Variants in MUC5B observed in about 807,000 individuals in gnomAD.
MUC5B encodes mucin 5B, oligomeric mucus/gel-forming.
Under a neutral mutation model 376.9 loss-of-function variants are expected in MUC5B, and 116 were observed. The observed-to-expected ratio is 0.31, with a 90% CI of 0.26 to 0.36. MUC5B has a LOEUF of 0.36. MUC5B is among the 10% of genes least tolerant of loss of function. The probability of loss-of-function intolerance (pLI) is 1.00; values close to 1 mark genes in which losing one functional copy is unlikely to be tolerated. For synonymous variants in MUC5B, 3,517 were observed against 3,390.9 expected (o/e 1.04, Z -1.29); for missense variants, 7,165 against 7,769.9 (o/e 0.92, Z 2.93).
chr11:1,239,958 A>G lies in MUC5B; in HGVS notation c.3728+15A>G. The G allele has an allele frequency of 6.2e-7, 1 of 1,612,286 alleles. No homozygotes were observed. The highest frequency in any genetic ancestry group is 8.5e-7 in the Non-Finnish European group (1 of 1,179,342). On this transcript the variant is annotated intron_variant, in intron 28 of 48. Coordinates refer to ENST00000529681, the MANE Select transcript of MUC5B (RefSeq NM_002458.3). ...TGCCAGAGCTGGTGAGGGGGTGGGA[A>G]GCGGGTGGCGCTGGGGGAGCAGGGC...
chr11:1,259,830 C>A lies in MUC5B; in HGVS notation c.16788C>A (p.Gly5596=). The A allele has an allele frequency of 6.2e-7, 1 of 1,612,464 alleles. No homozygotes were observed. Among genetic ancestry groups the A allele is most frequent in the Non-Finnish European group, 8.5e-7 (1 of 1,179,682 alleles). The change falls in exon 45 of 49, where the codon GGC becomes GGA. Residue 5596 remains glycine, a synonymous_variant. Transcript: ENST00000529681. ...CVQTACLTPD[G]QPVQLNETWV... Reference sequence around the variant, plus strand: ...AGACCGCCTGCCTCACGCCCGATGGCCAGCCAGTCCAGGTAACAGCAGAGG... The same window carrying A: ...AGACCGCCTGCCTCACGCCCGATGGACAGCCAGTCCAGGTAACAGCAGAGG...
At position 1,235,098 on chromosome 11, in the gene MUC5B, C is replaced by G. The variant is rs770850006; in HGVS notation, c.2644C>G (p.Arg882Gly). ...GGCCCCTTGCAGCACCTGCAGGAAC[C>G]GGAGGTGGGAGTGCAGCCACCGGCT... ...VDCNTCTCRN[R>G]RWECSHRLCL... The change falls in exon 22 of 49, where the codon CGG (arginine) becomes GGG (glycine). Residue 882 changes from arginine (R) to glycine (G), a missense_variant. Transcript: ENST00000529681. The G allele has an allele frequency of 6.2e-7, 1 of 1,611,070 alleles. No individual in the cohort carries two copies. The highest frequency in any genetic ancestry group is 1.1e-5 in the South Asian group (1 of 90,918).
rs1399236147 is a variant in MUC5B, at chr11:1,259,488, C to G, written c.16714-268C>G. ...GAAGTAGGAGGATAACTGAGGGGGT[C>G]TGGGGGTGGGACAGGACCTGCAGGC... On this transcript the variant is annotated intron_variant, in intron 44 of 48. Coordinates refer to ENST00000529681, the MANE Select transcript of MUC5B (RefSeq NM_002458.3). 4 of 563,892 alleles carry G rather than the reference C, an allele frequency of 7.1e-6. No homozygotes were observed. The East Asian group carries it at 1.2e-4, about 17-fold the overall frequency. The allele number at this position is 563,892 out of a possible 1,614,324, so 34.9% of individuals were successfully genotyped here.
rs1358467549 is a variant in MUC5B, at chr11:1,258,041, C to T, written c.16451-58C>T. 4 of 1,473,324 alleles carry T rather than the reference C, an allele frequency of 2.7e-6. No homozygotes were observed. Among genetic ancestry groups the T allele is most frequent in the Admixed American group, 2.0e-5 (1 of 50,226 alleles). 91.3% of individuals were successfully genotyped at this position (1,473,324 alleles called of 1,614,324 possible). A position where few individuals can be genotyped will look rare whatever the true frequency, so the allele number is the denominator to read the frequency against. On this transcript the variant is annotated intron_variant, in intron 41 of 48. Transcript: ENST00000529681. This position sits in a 1 kb window ranked among gnomAD's most constrained non-coding sequence, Gnocchi z 5.5. ...GCACGCCTGCGACTTACTCTGGGAA[C>T]AAGTGGTCGGGAGGAGGAGTGAGCA...
rs767234202 is a variant in MUC5B at position 1,241,715 on chromosome 11, C to T, written c.4835C>T (p.Pro1612Leu). Residue 1612 changes from proline to leucine, a missense_variant, in exon 31 of 49, where the codon CCG (proline) becomes CTG (leucine). Pro to Leu is a moderately conservative substitution (Grantham distance 98). Coordinates refer to ENST00000529681, the MANE Select transcript of MUC5B (RefSeq NM_002458.3). The part of the protein sequence containing the change: ...HCRGRATTPP[P>L]TTELETATTT... ...AGGGGACGTGCCACAACCCCGCCACCGACCACAGAGCTGGAGACGGCCACC... is the reference window on the plus strand; with the variant it reads ...AGGGGACGTGCCACAACCCCGCCACTGACCACAGAGCTGGAGACGGCCACC... The T allele has an allele frequency of 2.5e-5, 41 of 1,612,448 alleles. 1 individual carries two copies. Among genetic ancestry groups the T allele is most frequent in the Admixed American group, 1.0e-4 (6 of 59,942 alleles).
In MUC5B at chr11:1,247,942, G is replaced by T. The variant is rs750374451; in HGVS notation, c.11062G>T (p.Gly3688Trp). 3 of 1,611,242 alleles carry T rather than the reference G, an allele frequency of 1.9e-6. No individual in the cohort carries two copies. The highest frequency in any genetic ancestry group is 2.5e-6 in the Non-Finnish European group (3 of 1,178,328). ...SSTATPSSTP[G>W]TTWILTKLTT... ...TACGGCCACGCCCTCCTCAACTCCG[G>T]GGACGACCTGGATCCTCACAAAGCT... The change falls in exon 31 of 49, where the codon GGG (glycine) becomes TGG (tryptophan). Residue 3688 changes from glycine (G) to tryptophan (W), a missense_variant. This residue lies in a region of MUC5B where 90 missense variants were observed against 71.1 expected (regional missense o/e 1.27). Transcript: ENST00000529681.
At chr11:1,228,267 C>T (rs982093467) in intron 7 of MUC5B, among the ~76,000 whole-genome samples, 4 of 152,322 alleles carry the variant, frequency 2.6e-5, no homozygotes, top group Non-Finnish European at 2.9e-5. Flanking sequence ...CCCAGAGAGG[C>T]GGGGCCTCCA....
In MUC5B at chr11:1,249,090, C is replaced by T; in HGVS notation, c.12210C>T (p.His4070=). ...QHSTPALSSP[H]PSSRTTESPP... ...CGACTCCAGCCCTGTCCAGCCCTCA[C>T]CCTAGCAGCAGGACCACCGAGTCAC... The change falls in exon 31 of 49, where the codon CAC becomes CAT. Residue 4070 remains histidine, a synonymous_variant. Transcript: ENST00000529681. 1 of 1,610,918 alleles carries T rather than the reference C, an allele frequency of 6.2e-7. No homozygotes were observed. The highest frequency in any genetic ancestry group is 8.5e-7 in the Non-Finnish European group (1 of 1,179,468).
In MUC5B at chr11:1,257,698, G is replaced by A. The variant is rs1042692535; in HGVS notation, c.16438G>A (p.Glu5480Lys). ...RPRAENPCCPETVCVCNTTTC... is the reference protein window; with the variant it reads ...RPRAENPCCPKTVCVCNTTTC... The stretch of plus-strand genomic sequence containing the variant: ...CCGGGCCGAGAACCCCTGCTGCCCC[G>A]AGACGGTGTGCGGTAAGACGCTGCA... Residue 5480 changes from glutamate to lysine, a missense_variant, in exon 41 of 49, where the codon GAG (glutamate) becomes AAG (lysine). Glu to Lys is a moderately conservative substitution (Grantham distance 56). Coordinates refer to ENST00000529681, the MANE Select transcript of MUC5B (RefSeq NM_002458.3). This position sits in a 1 kb window ranked among gnomAD's most constrained non-coding sequence, Gnocchi z 8.9. 6.4e-6 allele frequency: 10 copies of A among 1,557,892 alleles called. No individual in the cohort carries two copies. The highest frequency in any genetic ancestry group is 2.4e-5 in the East Asian group (1 of 42,236).
chr11:1,251,254 G>T lies in MUC5B; in HGVS notation c.14374G>T (p.Val4792Leu). ...STPETTHTST[V>L]LTTTATMTRA... Reference sequence around the variant, plus strand: ...TCCAGAGACCACCCACACCTCCACAGTGCTGACCACCACAGCCACCATGAC... The same window carrying T: ...TCCAGAGACCACCCACACCTCCACATTGCTGACCACCACAGCCACCATGAC... The change falls in exon 31 of 49, where the codon GTG becomes TTG. Residue 4792 changes from valine to leucine, a missense_variant. Coordinates refer to ENST00000529681, the MANE Select transcript of MUC5B (RefSeq NM_002458.3). 2.5e-6 allele frequency: 4 copies of T among 1,611,096 alleles called. No individual in the cohort carries two copies. The highest frequency in any genetic ancestry group is 2.2e-5 in the East Asian group (1 of 44,858).
chr11:1,253,312 AG>A lies in MUC5B; in HGVS notation c.15217+334del, dbSNP rs1180567123. Among the ~76,000 whole-genome samples, 1 of 152,138 alleles carries A rather than the reference AG, an allele frequency of 6.6e-6. No homozygotes were observed. The highest frequency in any genetic ancestry group is 2.4e-5 in the African/African-American group (1 of 41,436). On this transcript the variant is annotated intron_variant, in intron 33 of 48. Transcript: ENST00000529681. This position sits in a 1 kb window ranked among gnomAD's most constrained non-coding sequence, Gnocchi z 4.3. ...ACACAGCCCAAGGGAGAGGCAGCAG[AG>A]GCTGGTTTGCTGAGCTTCTCTGCAC...
rs1037950809 is a variant in MUC5B, at chr11:1,227,759, C to G, written c.752C>G (p.Pro251Arg). Residue 251 changes from proline to arginine, a missense_variant, in exon 7 of 49, where the codon CCG (proline) becomes CGG (arginine). Pro to Arg is a moderately radical substitution (Grantham distance 103). Around this residue, in one of 31 missense-constraint regions of MUC5B, gnomAD observed 640 missense variants for 733.0 expected, o/e 0.87. Coordinates refer to ENST00000529681, the MANE Select transcript of MUC5B (RefSeq NM_002458.3). ...CAGTGCCCGGACCCGCTGCCCTTGC[C>G]GGCCGGCAACTGCACGGACGAGGTG... ...TEQCPDPLPLPAGNCTDEEGI... is the reference protein window; with the variant it reads ...TEQCPDPLPLRAGNCTDEEGI... 4 of 718,152 alleles carry G rather than the reference C, an allele frequency of 5.6e-6. No individual in the cohort carries two copies. Among genetic ancestry groups the G allele is most frequent in the Admixed American group, 4.0e-5 (2 of 50,200 alleles). 44.5% of individuals were successfully genotyped at this position (718,152 alleles called of 1,614,324 possible).
At chr11:1,226,053 G>A in intron 2 of MUC5B, 152 bp from the exon 3 acceptor site, 2 of 751,468 alleles carry the variant, frequency 2.7e-6, no homozygotes, top group Non-Finnish European at 4.3e-6. Flanking sequence ...GGGCAGACAG[G>A]GCCAAGGGTA....
Position 1,245,176 on chromosome 11 carries a change from A to G in MUC5B, c.8296A>G (p.Thr2766Ala), listed in dbSNP as rs775148919. Residue 2766 changes from threonine (T) to alanine (A), a missense_variant, in exon 31 of 49, where the codon ACG becomes GCG. Transcript: ENST00000529681. ...ATCCCTGTCCCCCAGCAGTCCCCAC[A>G]CGGTGCGCACAGCCTGGACTTCGGC... ...GRSLSPSSPHTVRTAWTSATS... is the reference protein window; with the variant it reads ...GRSLSPSSPHAVRTAWTSATS... 45 of 1,578,200 alleles carry G rather than the reference A, an allele frequency of 2.9e-5. No homozygotes were observed. The highest frequency in any genetic ancestry group is 3.6e-5 in the Non-Finnish European group (42 of 1,161,084).
rs759248032 is a variant in MUC5B, at chr11:1,244,798, C to A, written c.7918C>A (p.Pro2640Thr). Residue 2640 changes from proline to threonine, a missense_variant, in exon 31 of 49, where the codon CCC (proline) becomes ACC (threonine). Transcript: ENST00000529681. ...AGTGTGGATCAGCACAACCACCACA[C>A]CCACAACCAGAGGTTCCACGGTGAC... ...LPVWISTTTT[P>T]TTRGSTVTPS... 6 of 1,613,374 alleles carry A rather than the reference C, an allele frequency of 3.7e-6. No homozygotes were observed. The African/African-American group carries it at 4.0e-5, about 11-fold the overall frequency.
At chr11:1,239,089 GGCAGCCT>G (rs777961740) in intron 26 of MUC5B, 62 bp downstream of exon 26, 20 of 1,534,290 alleles carry the variant, frequency 1.3e-5, no homozygotes, top group African/African-American at 2.7e-5. Flanking sequence ...GAGGAGGTGT[GGCAGCCT>G]CCGAAGGTGC....
In MUC5B at chr11:1,257,830, A is replaced by T; in HGVS notation, c.16450+120A>T. The stretch of plus-strand genomic sequence containing the variant: ...AGGAGAGCCACTGTGTCCTGGCGTG[A>T]CCGCGGCAGGACCACTCGGCAGAGA... On this transcript the variant is annotated intron_variant, in intron 41 of 48. Transcript: ENST00000529681. The surrounding 1 kb of genome is among the most constrained non-coding windows in gnomAD (Gnocchi z 8.9). 1.6e-6 allele frequency: 2 copies of T among 1,236,706 alleles called. No homozygotes were observed. Among genetic ancestry groups the T allele is most frequent in the South Asian group, 1.5e-5 (1 of 65,526 alleles). The allele number at this position is 1,236,706 out of a possible 1,614,324, so 76.6% of individuals were successfully genotyped here. A position where few individuals can be genotyped will look rare whatever the true frequency, so the allele number is the denominator to read the frequency against.
chr11:1,260,964 C>T (rs56257756), intron 48 of MUC5B, among the ~76,000 whole-genome samples: 4 of 152,198 alleles, frequency 2.6e-5, no homozygotes, highest in South Asian at 2.1e-4. Flanking sequence ...CAGAGCTCCC[C>T]GCTGCGAACC....
In MUC5B at chr11:1,250,194, C is replaced by T; in HGVS notation, c.13314C>T (p.Ala4438=). ...ATTTASTGST[A]TPSSTPGTTW... is the part of the protein sequence containing the mutation. ...CGACTGCGTCCACTGGATCCACGGC[C>T]ACCCCGTCCTCCACCCCAGGGACCA... The change falls in exon 31 of 49, where the codon GCC becomes GCT. Residue 4438 remains alanine (A), a synonymous_variant. Coordinates refer to ENST00000529681, the MANE Select transcript of MUC5B (RefSeq NM_002458.3). 4 of 1,609,518 alleles carry T rather than the reference C, an allele frequency of 2.5e-6. No homozygotes were observed. The highest frequency in any genetic ancestry group is 3.4e-6 in the Non-Finnish European group (4 of 1,176,972).
Sources: allele counts gnomAD v4.1 joint callset (sites outside exome capture counted in the v4.1 genomes callset), GRCh38; gene constraint gnomAD v4.1.1; regional missense constraint gnomAD v4.1.1; non-coding constraint Gnocchi (gnomAD v3.1); transcripts MANE v1.5; gene names NCBI Gene and HGNC (gene_info 2026-07-23, HGNC 2026-07-21).